Variants in PRDM10 observed in about 807,000 individuals in gnomAD.
PRDM10 encodes PR/SET domain 10.
A neutral mutation model predicts 133.1 loss-of-function variants in PRDM10; 65 were observed. That is an observed-to-expected ratio of 0.49 (90% CI 0.40 to 0.60). The LOEUF (loss-of-function observed/expected upper bound fraction) is 0.60. Among genes scored for constraint, PRDM10 ranks in the 20% least tolerant of loss-of-function variants. PRDM10 has a pLI of 0.00. For synonymous variants in PRDM10, 582 were observed against 580.4 expected (o/e 1.00, Z -0.04); for missense variants, 1,137 against 1,507.1 (o/e 0.75, Z 4.07).
At chr11:129,994,270 G>GTCTTGAGACCTGAGGTCAGGAGTTCGAGA (rs1565517422) in intron 1 of PRDM10, among the ~76,000 whole-genome samples, 27 of 151,236 alleles carry the variant, frequency 1.8e-4, no homozygotes, top group African/African-American at 5.1e-4. Flanking sequence ...GACCAGCCTG[G>GTCTTGAGACCTGAGGTCAGGAGTTCGAGA]CCAACATGGC....
rs373238341 is a variant in PRDM10 at position 129,915,620 on chromosome 11, G to T, written c.2526+40C>A. On this transcript the variant is annotated intron_variant, in intron 16 of 20. Coordinates refer to ENST00000360871, the MANE Select transcript of PRDM10 (RefSeq NM_199437.2). The stretch of plus-strand genomic sequence containing the variant: ...CCTTTCCTTAAGAGATTCCTCGCAT[G>T]GCGGTTTTGACCTTAGCTTTAGTCA... The T allele has an allele frequency of 2.1e-5, 32 of 1,523,786 alleles. No homozygotes were observed. The African/African-American group carries it at 4.0e-4, about 19-fold the overall frequency. 94.4% of individuals were successfully genotyped at this position (1,523,786 alleles called of 1,614,324 possible).
At chr11:129,989,860 A>G (rs1938634652) in intron 1 of PRDM10, among the ~76,000 whole-genome samples, 1 of 152,182 alleles carries the variant, frequency 6.6e-6, no homozygotes, top group Non-Finnish European at 1.5e-5. Flanking sequence ...CCTGAAACAT[A>G]CAGTCTTTAG....
At chr11:129,963,377 A>AAAGAG (rs148674750) in intron 1 of PRDM10, among the ~76,000 whole-genome samples, 43,504 of 96,790 alleles carry the variant, frequency 0.45, 9,883 homozygotes, top group African/African-American at 0.61. Flanking sequence ...TGCTGAAAGA[A>AAAGAG]AAAAGAGAGA....
intron 19 of PRDM10, among the ~76,000 whole-genome samples, chr11:129,910,028 TG>T (rs1302901481): frequency 6.6e-6 from 1 of 152,238 alleles, no homozygotes; most frequent in Non-Finnish European, 1.5e-5. Flanking sequence ...GTGATATATA[TG>T]GTTCGGAATC....
chr11:129,931,072 C>T lies in PRDM10; in HGVS notation c.1474G>A (p.Val492Met). The change falls in exon 11 of 21, where the codon GTG becomes ATG. Residue 492 changes from valine to methionine, a missense_variant. Physicochemically the swap from Val to Met is conservative, Grantham distance 21. Transcript: ENST00000360871. ...GCTGTCAGCGTGCTCTGGGTGGGCACCACGCTCTCTTCATGCTGCGGCTGC... is the reference window on the plus strand; with the variant it reads ...GCTGTCAGCGTGCTCTGGGTGGGCATCACGCTCTCTTCATGCTGCGGCTGC... Reference protein sequence around the residue: ...HLQPQHEESVVPTQSTLTADD... With the variant: ...HLQPQHEESVMPTQSTLTADD... The T allele has an allele frequency of 6.2e-7, 1 of 1,614,148 alleles. No homozygotes were observed. The highest frequency in any genetic ancestry group is 1.1e-5 in the South Asian group (1 of 91,076).
chr11:129,937,530 T>C, intron 8 of PRDM10, 68 bp downstream of exon 8: 1 of 1,447,718 alleles, frequency 6.9e-7, no homozygotes, highest in East Asian at 2.4e-5. Flanking sequence ...AATTAGAGGT[T>C]TCATAAAGAT....
Position 129,902,362 on chromosome 11 carries a change from G to C in PRDM10, c.3422C>G (p.Thr1141Ser), listed in dbSNP as rs775457693. The part of the protein sequence containing the change: ...QQQTTQYIIT[T>S]TTNGNGSSEV... ...GCTGCTTCCGTTCCCGTTGGTGGTGGTGGTGATGATGTACTGTGTGGTCTG... is the reference window on the plus strand; with the variant it reads ...GCTGCTTCCGTTCCCGTTGGTGGTGCTGGTGATGATGTACTGTGTGGTCTG... Residue 1141 changes from threonine (T) to serine (S), a missense_variant, in exon 21 of 21, where the codon ACC becomes AGC. This residue lies in a region of PRDM10 where 243 missense variants were observed against 259.2 expected (regional missense o/e 0.94). Transcript: ENST00000360871. 6.2e-7 allele frequency: 1 copy of C among 1,614,154 alleles called. No individual in the cohort carries two copies. Among genetic ancestry groups the C allele is most frequent in the Non-Finnish European group, 8.5e-7 (1 of 1,180,002 alleles).
chr11:129,935,171 G>T lies in PRDM10; in HGVS notation c.1087C>A (p.Arg363=). 1 of 1,613,884 alleles carries T rather than the reference G, an allele frequency of 6.2e-7. No individual in the cohort carries two copies. The highest frequency in any genetic ancestry group is 8.5e-7 in the Non-Finnish European group (1 of 1,179,882). ...KNWPCYECNR[R]FISSEQLQQH... is the part of the protein sequence containing the mutation. Reference sequence around the variant, plus strand: ...TGCAACTGCTCCGAGCTTATAAATCGGCGGTTACATTCATAGCAGGGCCAA... The same window carrying T: ...TGCAACTGCTCCGAGCTTATAAATCTGCGGTTACATTCATAGCAGGGCCAA... The change falls in exon 9 of 21, where the codon CGA becomes AGA. Residue 363 remains arginine, a synonymous_variant. Transcript: ENST00000360871.
chr11:129,902,037 A>G lies in PRDM10; in HGVS notation c.*276T>C. 2.6e-6 allele frequency: 1 copy of G among 388,846 alleles called. No individual in the cohort carries two copies. The highest frequency in any genetic ancestry group is 4.6e-6 in the Non-Finnish European group (1 of 215,918). 24.1% of individuals were successfully genotyped at this position (388,846 alleles called of 1,614,324 possible). A position where few individuals can be genotyped will look rare whatever the true frequency, so the allele number is the denominator to read the frequency against. On this transcript the variant is annotated 3_prime_UTR_variant, in exon 21 of 21. Coordinates refer to ENST00000360871, the MANE Select transcript of PRDM10 (RefSeq NM_199437.2). ...AAGTAAGGCTCGTCAGTATGTTAAA[A>G]GACCAGCTCAAGAGCAAGGCAAATT...
chr11:129,975,351 G>C (rs1937702124), intron 1 of PRDM10, among the ~76,000 whole-genome samples: 1 of 152,012 alleles, frequency 6.6e-6, no homozygotes, highest in African/African-American at 2.4e-5. Context: ...TTGAACCTGG[G>C]GAGGCGGAGG....
intron 17 of PRDM10, among the ~76,000 whole-genome samples, chr11:129,914,218 T>C (rs749777988): frequency 1.3e-5 from 2 of 152,210 alleles, no homozygotes; most frequent in African/African-American, 2.4e-5. Context: ...GCCAGGCTGG[T>C]CTCGAACTCC....
intron 4 of PRDM10, among the ~76,000 whole-genome samples, chr11:129,955,130 T>G (rs1281004407): frequency 6.7e-6 from 1 of 148,974 alleles, no homozygotes; most frequent in African/African-American, 2.6e-5. Context: ...GGAACCAAAT[T>G]TATATGTAAT....
intron 1 of PRDM10, among the ~76,000 whole-genome samples, chr11:129,996,011 T>A (rs555524564): frequency 2.0e-5 from 3 of 152,254 alleles, no homozygotes; most frequent in African/African-American, 7.2e-5. Flanking sequence ...CAACTTCAAG[T>A]ATTTTAATTC....
chr11:129,960,896 C>T lies in PRDM10; in HGVS notation c.69G>A (p.Gln23=). The change falls in exon 2 of 21, where the codon CAG becomes CAA. Residue 23 remains glutamine (Q), a splice_region_variant and synonymous_variant. Transcript: ENST00000360871. ...CAAGCTGGAAAAGACCAGTCTTCACCTGTGCGGCATTCTGTTCATGCTCTG... is the reference window on the plus strand; with the variant it reads ...CAAGCTGGAAAAGACCAGTCTTCACTTGTGCGGCATTCTGTTCATGCTCTG... ...TSAEHEQNAA[Q]VHFVPDTGTV... The T allele has an allele frequency of 6.2e-7, 1 of 1,614,134 alleles. No individual in the cohort carries two copies. Among genetic ancestry groups the T allele is most frequent in the African/African-American group, 1.3e-5 (1 of 75,022 alleles).
At chr11:129,977,939 C>T (rs7120793) in intron 1 of PRDM10, among the ~76,000 whole-genome samples, 35,990 of 149,948 alleles carry the variant, frequency 0.24, 7,362 homozygotes, top group East Asian at 0.57. Flanking sequence ...CCAGCCTGGG[C>T]GACAGAGTGA....
intron 3 of PRDM10, among the ~76,000 whole-genome samples, chr11:129,955,970 G>A (rs1951688462): frequency 1.3e-5 from 2 of 152,150 alleles, no homozygotes; most frequent in Admixed American, 1.3e-4. Flanking sequence ...GAAAATGGAT[G>A]GAGATAGACA....
intron 13 of PRDM10, among the ~76,000 whole-genome samples, chr11:129,921,396 G>C (rs1426505721): frequency 1.3e-5 from 2 of 152,178 alleles, no homozygotes; most frequent in African/African-American, 4.8e-5. Context: ...CCCAAGGAGA[G>C]AGAGTATGCC....
At chr11:129,996,792 T>G (rs974701163) in intron 1 of PRDM10, among the ~76,000 whole-genome samples, 1 of 147,916 alleles carries the variant, frequency 6.8e-6, no homozygotes, top group Non-Finnish European at 1.5e-5. Context: ...AAACAAGTTT[T>G]GAACCATTTA....
intron 1 of PRDM10, among the ~76,000 whole-genome samples, chr11:130,000,836 G>A (rs1939318419): frequency 6.6e-6 from 1 of 152,182 alleles, no homozygotes; most frequent in Non-Finnish European, 1.5e-5. Context: ...GCCGAGCGCG[G>A]GGGCCCATGC....
Sources: gnomAD v4.1 joint callset for allele counts (sites outside exome capture counted in the v4.1 genomes callset) on GRCh38, gnomAD v4.1.1 for gene constraint, gnomAD v4.1.1 regional missense constraint, MANE v1.5 for transcripts, NCBI Gene and HGNC (gene_info 2026-07-23, HGNC 2026-07-21) for gene names.